The following CDK19 variants were observed in gnomAD, a reference collection of about 807,000 sequenced individuals.
CDK19 encodes cyclin dependent kinase 19.
CDK19 carries 20 observed loss-of-function variants against 68.3 expected under a neutral mutation model. That is an observed-to-expected ratio of 0.29 (90% confidence interval 0.21 to 0.43). The LOEUF (loss-of-function observed/expected upper bound fraction) is 0.43. Ranked by LOEUF, CDK19 falls within the 20% of genes least tolerant of loss-of-function variation. The pLI, the probability that CDK19 is intolerant of heterozygous loss-of-function variation, is 1.00. For missense variants in CDK19, 339 were observed against 623.5 expected, an observed-to-expected ratio of 0.54 and a Z score of 4.86; for synonymous variants, 221 against 222.8, an observed-to-expected ratio of 0.99 and a Z score of 0.07.
At position 110,711,887 on chromosome 6, in the gene CDK19, G is replaced by T. The variant is rs559835751; in HGVS notation, c.204+34239C>A. ...GGAGGCTGAGGCAGGAGAATTGCCT[G>T]AACCCAGGCTGGGGGGCGGAGGTTG... On this transcript the variant is annotated intron_variant, in intron 2 of 12. Transcript: ENST00000368911. Among the ~76,000 whole-genome samples the T allele has an allele frequency of 1.3e-4, 20 of 152,370 alleles. No individual in the cohort carries two copies. The East Asian group carries it at 3.9e-3, about 29-fold the overall frequency.
intron 1 of CDK19, among the ~76,000 whole-genome samples, chr6:110,758,323 TAGG>T: frequency 6.6e-6 from 1 of 152,212 alleles, no homozygotes; most frequent in African/African-American, 2.4e-5. Context: ...CAAGGTCAAA[TAGG>T]AGAGAATGGA....
At position 110,613,906 on chromosome 6, in the gene CDK19, C is replaced by CTAGG. The variant is rs1306113908; in HGVS notation, c.*625_*628dup. 2.6e-5 allele frequency: 4 copies of CTAGG among 152,622 alleles called. No homozygotes were observed. The highest frequency in any genetic ancestry group is 5.9e-5 in the Non-Finnish European group (4 of 68,040). 9.5% of individuals were successfully genotyped at this position (152,622 alleles called of 1,614,324 possible). Reference sequence around the variant, plus strand: ...GCATAAAGCACATAACTGCAAAGATCTAGGCAGTTTTTGGTTGTAGGTTCC... The same window carrying CTAGG: ...GCATAAAGCACATAACTGCAAAGATCTAGGTAGGCAGTTTTTGGTTGTAGGTTCC... On this transcript the variant is annotated 3_prime_UTR_variant, in exon 13 of 13. Coordinates refer to ENST00000368911, the MANE Select transcript of CDK19 (RefSeq NM_015076.5).
chr6:110,669,755 GAA>G (rs1770837949), intron 3 of CDK19, among the ~76,000 whole-genome samples: 1 of 152,170 alleles, frequency 6.6e-6, no homozygotes, highest in Admixed American at 6.5e-5. Flanking sequence ...TTCCTAATTT[GAA>G]AAGACAGGAA....
chr6:110,814,739 C>T, intron 1 of CDK19: 2 of 632,966 alleles, frequency 3.2e-6, no homozygotes, highest in Non-Finnish European at 5.9e-6. Context: ...GTCCCCCCGC[C>T]GTCTCCGAGC....
intron 4 of CDK19, among the ~76,000 whole-genome samples, chr6:110,665,757 T>G (rs1257875744): frequency 6.6e-6 from 1 of 152,168 alleles, no homozygotes; most frequent in Non-Finnish European, 1.5e-5. Context: ...TCTTTTTGTT[T>G]ATTTGTTTTG....
chr6:110,713,226 C>T (rs530912631), intron 2 of CDK19, among the ~76,000 whole-genome samples: 1 of 147,544 alleles, frequency 6.8e-6, no homozygotes, highest in South Asian at 2.1e-4. Flanking sequence ...ACATACTAGG[C>T]ACAATAAAAT....
chr6:110,710,752 C>T (rs1349416047), intron 2 of CDK19, among the ~76,000 whole-genome samples: 1 of 152,126 alleles, frequency 6.6e-6, no homozygotes, highest in African/African-American at 2.4e-5. Flanking sequence ...TAATCATCTC[C>T]CAAAGGCTTC....
At chr6:110,620,248 A>C (rs1042985682) in intron 12 of CDK19, among the ~76,000 whole-genome samples, 2 of 152,102 alleles carry the variant, frequency 1.3e-5, no homozygotes, top group Non-Finnish European at 2.9e-5. Context: ...CTTTCTTGTT[A>C]AAGTTTCTCT....
chr6:110,622,277 T>C lies in CDK19; in HGVS notation c.1032-111A>G, dbSNP rs1277786775. The C allele has an allele frequency of 2.3e-5, 17 of 747,254 alleles. No individual in the cohort carries two copies. In the Admixed American group the frequency reaches 3.7e-4, roughly 16 times the overall value. The allele number at this position is 747,254 out of a possible 1,614,324, so 46.3% of individuals were successfully genotyped here. ...TTCTTCACTTATTTCCTACTCTTCA[T>C]CTGTGGCTAGTGTTCAAATCTTGAC... On this transcript the variant is annotated intron_variant, in intron 10 of 12. Transcript: ENST00000368911.
intron 2 of CDK19, among the ~76,000 whole-genome samples, chr6:110,676,296 G>T (rs1020915419): frequency 2.0e-5 from 3 of 151,788 alleles, no homozygotes; most frequent in Non-Finnish European, 4.4e-5. Flanking sequence ...TCTTATGGAT[G>T]GGCAAAGAAA....
intron 1 of CDK19, among the ~76,000 whole-genome samples, chr6:110,761,748 G>A (rs1482671540): frequency 6.6e-6 from 1 of 152,084 alleles, no homozygotes; most frequent in Non-Finnish European, 1.5e-5. Context: ...ATGCTCAGTG[G>A]TTTACCAATT....
At chr6:110,667,393 A>T in intron 4 of CDK19, 41 bp downstream of exon 4, 1 of 1,339,872 alleles carries the variant, frequency 7.5e-7, no homozygotes, top group Non-Finnish European at 1.0e-6. Flanking sequence ...TTAAAAGAGT[A>T]GGGAAAAACA....
chr6:110,759,345 C>T (rs1779037796), intron 1 of CDK19, among the ~76,000 whole-genome samples: 1 of 141,046 alleles, frequency 7.1e-6, no homozygotes, highest in Non-Finnish European at 1.5e-5. Context: ...GTGGAGCGTG[C>T]AGTGAGCCGA....
intron 1 of CDK19, among the ~76,000 whole-genome samples, chr6:110,753,966 A>G (rs1178095117): frequency 6.6e-6 from 1 of 151,980 alleles, no homozygotes; most frequent in East Asian, 1.9e-4. Flanking sequence ...TCAATGTTGC[A>G]TTGGTAAATA....
At chr6:110,760,396 CAAAAAAAAAAA>C (rs34613571) in intron 1 of CDK19, among the ~76,000 whole-genome samples, 4 of 39,778 alleles carry the variant, frequency 1.0e-4, no homozygotes, top group Admixed American at 3.5e-4. Context: ...GGCTTTGTCT[CAAAAAAAAAAA>C]AAAAAAAAAA....
chr6:110,700,445 T>C (rs986535426), intron 2 of CDK19: 4 of 152,080 alleles, frequency 2.6e-5, no homozygotes, highest in African/African-American at 9.7e-5. Flanking sequence ...CAGCTTTTTT[T>C]TTTGAGAAAG....
chr6:110,623,737 AATATATATATATATAC>A lies in CDK19; in HGVS notation c.861-391_861-376del, dbSNP rs1266201917. On this transcript the variant is annotated intron_variant, in intron 8 of 12. Transcript: ENST00000368911. ...TCTTAGCAGCCTTTTAGTAATGGCCAATATATATATATATACATATATATATACACATATATATACA... is the reference window on the plus strand; with the variant it reads ...TCTTAGCAGCCTTTTAGTAATGGCCAATATATATATACACATATATATACA... Among the ~76,000 whole-genome samples, 8 of 146,808 alleles carry A rather than the reference AATATATATATATATAC, an allele frequency of 5.4e-5. No individual in the cohort carries two copies. The Admixed American group carries it at 5.5e-4, about 10-fold the overall frequency.
chr6:110,653,054 T>G (rs1322449052), intron 4 of CDK19, among the ~76,000 whole-genome samples: 1 of 152,194 alleles, frequency 6.6e-6, no homozygotes, highest in East Asian at 1.9e-4. Context: ...TTACTGGGAT[T>G]GCCTGTTCCC....
chr6:110,775,168 C>T (rs1780314199), intron 1 of CDK19, among the ~76,000 whole-genome samples: 2 of 152,048 alleles, frequency 1.3e-5, no homozygotes, highest in Admixed American at 6.6e-5. Context: ...TTGCTTGAAC[C>T]CTGGAGGCGG....
Sources: allele counts gnomAD v4.1 joint callset (sites outside exome capture counted in the v4.1 genomes callset), GRCh38; gene constraint gnomAD v4.1.1; transcripts MANE v1.5; gene names NCBI Gene and HGNC (gene_info 2026-07-23, HGNC 2026-07-21).